FIGNL2: variants seen among roughly 807,000 people sequenced by gnomAD.
FIGNL2 encodes fidgetin-like protein 2.
For missense variants in FIGNL2, 1,060 were observed against 950.2 expected, an observed-to-expected ratio of 1.12 and a Z score of -1.52; for synonymous variants, 565 against 484.0, an observed-to-expected ratio of 1.17 and a Z score of -2.20.
In FIGNL2 at chr12:51,844,423, C is replaced by T. The variant is rs567095787; in HGVS notation, c.-12+4117G>A. The stretch of plus-strand genomic sequence containing the variant: ...AAAGACAGAAGGCACTCAGGGGGTT[C>T]GCACTGCAGTCCCCTTTCCTTGGCT... On this transcript the variant is annotated intron_variant, in intron 1 of 1. Transcript: ENST00000618634. Among the ~76,000 whole-genome samples, 13 of 152,300 alleles carry T rather than the reference C, an allele frequency of 8.5e-5. No homozygotes were observed. The South Asian group carries it at 1.4e-3, about 17-fold the overall frequency.
At position 51,848,536 on chromosome 12, in the gene FIGNL2, G is replaced by C. The variant is rs2139007987; in HGVS notation, c.-12+4C>G. On this transcript the variant is annotated splice_donor_region_variant and intron_variant, in intron 1 of 1. Coordinates refer to ENST00000618634, the MANE Select transcript of FIGNL2 (RefSeq NM_001384995.1). ...CCCATCCCGGCCCGCCCGCGGCCCC[G>C]TACCTCGGCATCACGGCCGGGTCCT... 1.0e-6 allele frequency: 1 copy of C among 982,744 alleles called. No homozygotes were observed. Among genetic ancestry groups the C allele is most frequent in the Admixed American group, 6.2e-5 (1 of 16,142 alleles). The allele number at this position is 982,744 out of a possible 1,614,324, so 60.9% of individuals were successfully genotyped here.
At chr12:51,829,358 C>T (rs1592189685) in intron 1 of FIGNL2, among the ~76,000 whole-genome samples, 1 of 152,200 alleles carries the variant, frequency 6.6e-6, no homozygotes, top group African/African-American at 2.4e-5. Context: ...GGCCCTCTCC[C>T]TCATGCCAAC....
At chr12:51,842,147 TC>T (rs1939673825) in intron 1 of FIGNL2, 1 of 152,234 alleles carries the variant, frequency 6.6e-6, no homozygotes, top group African/African-American at 2.4e-5. Flanking sequence ...TACCTCAGCC[TC>T]CCAGCTGCCT....
At chr12:51,836,892 A>T (rs1329391423) in intron 1 of FIGNL2, among the ~76,000 whole-genome samples, 1 of 152,064 alleles carries the variant, frequency 6.6e-6, no homozygotes, top group African/African-American at 2.4e-5. Context: ...ACAGGCGCAC[A>T]TGCCGGTGGG....
chr12:51,842,796 A>T (rs1490757491), intron 1 of FIGNL2, among the ~76,000 whole-genome samples: 1 of 152,170 alleles, frequency 6.6e-6, no homozygotes, highest in Non-Finnish European at 1.5e-5. Flanking sequence ...CCCAGCTCAC[A>T]TGCCCTATGT....
intron 1 of FIGNL2, among the ~76,000 whole-genome samples, chr12:51,839,157 TAA>T (rs1369314721): frequency 6.7e-6 from 1 of 150,252 alleles, no homozygotes; most frequent in Middle Eastern, 3.4e-3. Context: ...TGCCCAGACG[TAA>T]CTTGGTCTTG....
rs964885854 is a variant in FIGNL2 at position 51,847,397 on chromosome 12, C to T, written c.-12+1143G>A. On this transcript the variant is annotated intron_variant, in intron 1 of 1. Coordinates refer to ENST00000618634, the MANE Select transcript of FIGNL2 (RefSeq NM_001384995.1). ...GGAACCGGGTCCCCACTCCTCGCTGCCGGGCGGAAAGCAGGAGACCGCTCC... is the reference window on the plus strand; with the variant it reads ...GGAACCGGGTCCCCACTCCTCGCTGTCGGGCGGAAAGCAGGAGACCGCTCC... The T allele has an allele frequency of 4.1e-6, 4 of 985,466 alleles. No individual in the cohort carries two copies. In the South Asian group the frequency reaches 1.9e-4, roughly 46 times the overall value. 61.0% of individuals were successfully genotyped at this position (985,466 alleles called of 1,614,324 possible). A position where few individuals can be genotyped will look rare whatever the true frequency, so the allele number is the denominator to read the frequency against.
At chr12:51,830,626 G>A (rs766183148) in intron 1 of FIGNL2, among the ~76,000 whole-genome samples, 34 of 148,892 alleles carry the variant, frequency 2.3e-4, no homozygotes, top group Non-Finnish European at 3.9e-4. Context: ...TGAGTAGCTG[G>A]GATTACAGGC....
intron 1 of FIGNL2, among the ~76,000 whole-genome samples, chr12:51,832,980 T>G (rs1374381258): frequency 1.3e-5 from 2 of 152,154 alleles, no homozygotes; most frequent in Non-Finnish European, 2.9e-5. Context: ...GCAAATTAGA[T>G]TCTTCAATCA....
At chr12:51,828,469 G>A (rs2138982828) in intron 1 of FIGNL2, 1 of 152,306 alleles carries the variant, frequency 6.6e-6, no homozygotes, top group South Asian at 2.1e-4. Flanking sequence ...CAAACTCACA[G>A]GCAATCAATC....
At chr12:51,834,573 G>T (rs1213447513) in intron 1 of FIGNL2, among the ~76,000 whole-genome samples, 1 of 152,250 alleles carries the variant, frequency 6.6e-6, no homozygotes, top group East Asian at 1.9e-4. Flanking sequence ...GAGATGTGGT[G>T]AGGGGTGTGC....
Position 51,821,200 on chromosome 12 carries a change from T to G in FIGNL2, c.1214A>C (p.Glu405Ala). The G allele has an allele frequency of 2.0e-6, 3 of 1,518,414 alleles. No individual in the cohort carries two copies. The highest frequency in any genetic ancestry group is 2.6e-6 in the Non-Finnish European group (3 of 1,140,094). 94.1% of individuals were successfully genotyped at this position (1,518,414 alleles called of 1,614,324 possible). Residue 405 changes from glutamate (E) to alanine (A), a missense_variant, in exon 2 of 2, where the codon GAG becomes GCG. Physicochemically the swap from Glu to Ala is moderately radical, Grantham distance 107. Coordinates refer to ENST00000618634, the MANE Select transcript of FIGNL2 (RefSeq NM_001384995.1). ...AGQGALKAAL[E>A]EELVWPLLRP... ...GAGCAGGGGCCACACCAGCTCCTCC[T>G]CCAGCGCCGCCTTGAGCGCGCCCTG...
rs202036803 is a variant in FIGNL2 at position 51,820,451 on chromosome 12, G to A, written c.*1C>T. The A allele has an allele frequency of 2.1e-5, 33 of 1,586,280 alleles. No individual in the cohort carries two copies. Among genetic ancestry groups the A allele is most frequent in the Non-Finnish European group, 2.6e-5 (31 of 1,174,386 alleles). ...GCTCCCGCGGCCTCCCCCGCGCGCCGTCAGTGTCCGGAGCCGTACATTTTG... is the reference window on the plus strand; with the variant it reads ...GCTCCCGCGGCCTCCCCCGCGCGCCATCAGTGTCCGGAGCCGTACATTTTG... On this transcript the variant is annotated 3_prime_UTR_variant, in exon 2 of 2. Coordinates refer to ENST00000618634, the MANE Select transcript of FIGNL2 (RefSeq NM_001384995.1).
intron 1 of FIGNL2, among the ~76,000 whole-genome samples, chr12:51,833,721 T>G (rs1302435270): frequency 6.6e-6 from 1 of 152,232 alleles, no homozygotes; most frequent in African/African-American, 2.4e-5. Context: ...AGCCGTTGCC[T>G]CGGCAGACAC....
chr12:51,830,249 A>G (rs1354678893), intron 1 of FIGNL2, among the ~76,000 whole-genome samples: 3 of 151,254 alleles, frequency 2.0e-5, no homozygotes, highest in African/African-American at 7.3e-5. Context: ...AGATCGCGCC[A>G]CTGCACTCCA....
At chr12:51,836,097 C>A (rs1355304988) in intron 1 of FIGNL2, among the ~76,000 whole-genome samples, 1 of 152,190 alleles carries the variant, frequency 6.6e-6, no homozygotes, top group Non-Finnish European at 1.5e-5. Flanking sequence ...AGGAGTGAGC[C>A]ACCGTGCCCT....
In FIGNL2 at chr12:51,847,560, CCCACCCACCCGT is replaced by C. The variant is rs973184723; in HGVS notation, c.-12+968_-12+979del. 3.8e-5 allele frequency: 37 copies of C among 985,434 alleles called. No homozygotes were observed. In the East Asian group the frequency reaches 1.7e-3, roughly 45 times the overall value. The allele number at this position is 985,434 out of a possible 1,614,324, so 61.0% of individuals were successfully genotyped here. A position where few individuals can be genotyped will look rare whatever the true frequency, so the allele number is the denominator to read the frequency against. ...GATTTAGTGACCGTCCCTTTAACAG[CCCACCCACCCGT>C]CCACCCACCCCTGCGCTCCGGGCCG... On this transcript the variant is annotated intron_variant, in intron 1 of 1. Coordinates refer to ENST00000618634, the MANE Select transcript of FIGNL2 (RefSeq NM_001384995.1).
Position 51,820,679 on chromosome 12 carries a change from T to TGAGCGCGCAGCCCTGCTGGGC in FIGNL2, c.1714_1734dup (p.Ala572_Leu578dup), listed in dbSNP as rs1939154499. 1 of 1,512,346 alleles carries TGAGCGCGCAGCCCTGCTGGGC rather than the reference T, an allele frequency of 6.6e-7. No individual in the cohort carries two copies. The highest frequency in any genetic ancestry group is 8.8e-7 in the Non-Finnish European group (1 of 1,138,076). The allele number at this position is 1,512,346 out of a possible 1,614,324, so 93.7% of individuals were successfully genotyped here. ...ACCAGCGCCGCCAGTTCCCGCTCACTGAGCGCGCAGCCCTGCTGGGCCAGC... is the reference window on the plus strand; with the variant it reads ...ACCAGCGCCGCCAGTTCCCGCTCACTGAGCGCGCAGCCCTGCTGGGCGAGCGCGCAGCCCTGCTGGGCCAGC... On this transcript the variant is annotated inframe_insertion, in exon 2 of 2. Transcript: ENST00000618634.
At position 51,822,156 on chromosome 12, in the gene FIGNL2, G is replaced by C. The variant is rs1289812427; in HGVS notation, c.258C>G (p.Ala86=). The change falls in exon 2 of 2, where the codon GCC becomes GCG. Residue 86 remains alanine, a synonymous_variant. Coordinates refer to ENST00000618634, the MANE Select transcript of FIGNL2 (RefSeq NM_001384995.1). ...ERPALGGYSD[A]SFLNGAKGDP... Reference sequence around the variant, plus strand: ...CCCCTTTGGCGCCGTTGAGGAAGGAGGCGTCGCTGTACCCGCCCAGGGCCG... The same window carrying C: ...CCCCTTTGGCGCCGTTGAGGAAGGACGCGTCGCTGTACCCGCCCAGGGCCG... The C allele has an allele frequency of 1.9e-6, 3 of 1,611,674 alleles. No homozygotes were observed. The highest frequency in any genetic ancestry group is 8.5e-7 in the Non-Finnish European group (1 of 1,179,082).
Sources: allele counts gnomAD v4.1 joint callset (sites outside exome capture counted in the v4.1 genomes callset), GRCh38; gene constraint gnomAD v4.1.1; transcripts MANE v1.5; gene names NCBI Gene and HGNC (gene_info 2026-07-23, HGNC 2026-07-21).